The following DSCAM variants were observed in gnomAD, a reference collection of about 807,000 sequenced individuals.
The protein encoded by DSCAM is DS cell adhesion molecule.
DSCAM carries 47 observed loss-of-function variants against 217.7 expected under a neutral mutation model. That is an observed-to-expected ratio of 0.22 (90% CI 0.17 to 0.28). DSCAM has a LOEUF of 0.28. DSCAM is among the 10% of genes least tolerant of loss of function. The pLI is 1.00. For synonymous variants in DSCAM, 1,056 were observed against 1,015.3 expected (o/e 1.04, Z -0.76); for missense variants, 2,080 against 2,618.3 (o/e 0.79, Z 4.49).
chr21:40,431,642 T>C (rs2075533373), intron 3 of DSCAM, among the ~76,000 whole-genome samples: 1 of 152,232 alleles, frequency 6.6e-6, no homozygotes, highest in Non-Finnish European at 1.5e-5. Flanking sequence ...TTCTCAAGAT[T>C]ATTGTAAGAG....
chr21:40,629,441 A>T (rs941210743), intron 3 of DSCAM: 1 of 152,326 alleles, frequency 6.6e-6, no homozygotes, highest in Non-Finnish European at 1.5e-5. Context: ...TTACATATCT[A>T]TCAACCATTG....
intron 12 of DSCAM, 69 bp downstream of exon 12, chr21:40,188,973 T>C: frequency 6.6e-7 from 1 of 1,507,672 alleles, no homozygotes; most frequent in East Asian, 2.3e-5. Context: ...TGCACCCGCT[T>C]CTGTGAAAGG....
chr21:40,073,616 CT>C (rs1181166910), intron 27 of DSCAM, among the ~76,000 whole-genome samples: 1 of 152,178 alleles, frequency 6.6e-6, no homozygotes, highest in East Asian at 1.9e-4. Flanking sequence ...AGTAGCCTCC[CT>C]TTTCCTCTCC....
intron 3 of DSCAM, among the ~76,000 whole-genome samples, chr21:40,436,596 G>A (rs1227365176): frequency 1.3e-5 from 2 of 152,170 alleles, no homozygotes; most frequent in African/African-American, 4.8e-5. Flanking sequence ...ACAGACAACA[G>A]GGGTCTCACC....
At chr21:40,646,338 G>A (rs1252344446) in intron 3 of DSCAM, among the ~76,000 whole-genome samples, 1 of 151,816 alleles carries the variant, frequency 6.6e-6, no homozygotes, top group African/African-American at 2.4e-5. Context: ...TTGACCCCAG[G>A]AGGTGGAGGT....
chr21:40,145,381 A>G (rs572488755), intron 16 of DSCAM, among the ~76,000 whole-genome samples: 26 of 152,252 alleles, frequency 1.7e-4, no homozygotes, highest in South Asian at 1.0e-3. Flanking sequence ...TAGGAAGGTA[A>G]TCTCTTTCAT....
At chr21:40,784,357 G>A (rs1020371391) in intron 1 of DSCAM, among the ~76,000 whole-genome samples, 12 of 152,084 alleles carry the variant, frequency 7.9e-5, no homozygotes, top group African/African-American at 1.4e-4. Flanking sequence ...GCCGTGTAAG[G>A]CGTGCCTTTC....
chr21:40,777,424 C>A (rs2091498211), intron 1 of DSCAM, among the ~76,000 whole-genome samples: 1 of 152,182 alleles, frequency 6.6e-6, no homozygotes, highest in Non-Finnish European at 1.5e-5. Flanking sequence ...TCTGCTCAAT[C>A]TTTAATATAA....
chr21:40,800,520 C>A (rs1052228305), intron 1 of DSCAM, among the ~76,000 whole-genome samples: 3 of 152,034 alleles, frequency 2.0e-5, no homozygotes, highest in African/African-American at 7.3e-5. Context: ...CCAGTAAAGG[C>A]CATTCTGATG....
chr21:40,087,727 T>C (rs961759118), intron 21 of DSCAM, among the ~76,000 whole-genome samples: 1 of 152,168 alleles, frequency 6.6e-6, no homozygotes, highest in African/African-American at 2.4e-5. Flanking sequence ...CTGGAACAAG[T>C]TCTACTTAAC....
At chr21:40,192,428 C>T (rs1025144520) in intron 11 of DSCAM, among the ~76,000 whole-genome samples, 8 of 152,172 alleles carry the variant, frequency 5.3e-5, no homozygotes, top group East Asian at 1.9e-4. Flanking sequence ...TTATGAGGGG[C>T]TTTCCGCCCT....
At position 40,408,956 on chromosome 21, in the gene DSCAM, T is replaced by A; in HGVS notation, c.509-39711A>T. On this transcript the variant is annotated intron_variant, in intron 3 of 32. Coordinates refer to ENST00000400454, the MANE Select transcript of DSCAM (RefSeq NM_001389.5). ...AACTAGAATATTATCATCTGACCTA[T>A]CCAGGTGTTTAGGTAATGTGTGGTT... is the stretch of plus-strand genomic sequence containing the variant. 1.3e-5 allele frequency among the ~76,000 whole-genome samples: 2 copies of A among 152,238 alleles called. 1 individual carries two copies. The highest frequency in any genetic ancestry group is 2.9e-5 in the Non-Finnish European group (2 of 68,052).
intron 3 of DSCAM, among the ~76,000 whole-genome samples, chr21:40,630,221 C>T (rs759760674): frequency 6.6e-6 from 1 of 152,114 alleles, no homozygotes; most frequent in Non-Finnish European, 1.5e-5. Context: ...AGAGTTCATA[C>T]AGAGGTGAGG....
At chr21:40,094,503 T>G in intron 20 of DSCAM, among the ~76,000 whole-genome samples, 1 of 152,098 alleles carries the variant, frequency 6.6e-6, no homozygotes, top group East Asian at 1.9e-4. Context: ...AGGGTCCTAC[T>G]TGGGTATTCA....
At chr21:40,490,494 T>C (rs1007733868) in intron 3 of DSCAM, among the ~76,000 whole-genome samples, 1 of 152,174 alleles carries the variant, frequency 6.6e-6, no homozygotes, top group African/African-American at 2.4e-5. Context: ...CATCCTCCTC[T>C]CCATGCAGGA....
chr21:40,113,099 C>A (rs1371438004), intron 20 of DSCAM, among the ~76,000 whole-genome samples: 2 of 152,106 alleles, frequency 1.3e-5, no homozygotes, highest in African/African-American at 4.8e-5. Flanking sequence ...CAAAGCCTGG[C>A]AGAGACACAA....
At chr21:40,652,744 C>T (rs2090031460) in intron 3 of DSCAM, among the ~76,000 whole-genome samples, 1 of 152,220 alleles carries the variant, frequency 6.6e-6, no homozygotes, top group Non-Finnish European at 1.5e-5. Context: ...TAAGCTGTTG[C>T]AATTTCCAGC....
At chr21:40,669,741 G>T (rs193116311) in intron 3 of DSCAM, among the ~76,000 whole-genome samples, 2 of 152,092 alleles carry the variant, frequency 1.3e-5, no homozygotes, top group East Asian at 1.9e-4. Context: ...ACCACGCCTG[G>T]TTAATTTCTG....
intron 1 of DSCAM, among the ~76,000 whole-genome samples, chr21:40,843,441 T>A (rs1056280265): frequency 3.3e-5 from 5 of 151,888 alleles, no homozygotes; most frequent in Middle Eastern, 6.3e-3. Context: ...CTAGCAAAAC[T>A]ATATTACATA....
Sources: allele counts gnomAD v4.1 joint callset (sites outside exome capture counted in the v4.1 genomes callset), GRCh38; gene constraint gnomAD v4.1.1; transcripts MANE v1.5; gene names NCBI Gene and HGNC (gene_info 2026-07-23, HGNC 2026-07-21).